Variants in PTPRD observed in about 807,000 individuals in gnomAD.
PTPRD encodes the protein receptor-type tyrosine-protein phosphatase delta.
PTPRD carries 34 observed loss-of-function variants against 214.5 expected under a neutral mutation model. The ratio of observed to expected loss-of-function variants is 0.16; its 90% CI spans 0.12 to 0.21. The LOEUF (loss-of-function observed/expected upper bound fraction) is 0.21. Ranked by LOEUF, PTPRD falls within the 10% of genes least tolerant of loss-of-function variation. PTPRD has a pLI of 1.00. For missense variants in PTPRD, 2,545 were observed against 2,398.7 expected (o/e 1.06, Z -1.27); for synonymous variants, 1,128 against 845.7 (o/e 1.33, Z -5.79).
chr9:10,557,833 T>C (rs1373111952), intron 2 of PTPRD, among the ~76,000 whole-genome samples: 2 of 152,168 alleles, frequency 1.3e-5, no homozygotes, highest in Non-Finnish European at 2.9e-5. Flanking sequence ...CTCTACTACA[T>C]AGCATATATA....
intron 7 of PTPRD, among the ~76,000 whole-genome samples, chr9:9,603,013 G>C (rs997142601): frequency 2.0e-5 from 3 of 151,062 alleles, no homozygotes; most frequent in African/African-American, 7.4e-5. Flanking sequence ...ACTAGTAAAA[G>C]AGTAAGAAAA....
intron 2 of PTPRD, among the ~76,000 whole-genome samples, chr9:10,438,270 G>C (rs1042654984): frequency 1.3e-5 from 2 of 151,330 alleles, no homozygotes. Context: ...TAACCTCATC[G>C]TGTGTCAAGG....
chr9:9,770,738 G>T (rs2098745431), intron 5 of PTPRD, among the ~76,000 whole-genome samples: 1 of 152,032 alleles, frequency 6.6e-6, no homozygotes, highest in African/African-American at 2.4e-5. Flanking sequence ...TCACTGCACA[G>T]GTTGAAAATC....
chr9:8,316,943 T>G lies in PTPRD; in HGVS notation c.*931A>C, dbSNP rs1296034331. 4.3e-6 allele frequency: 1 copy of G among 231,448 alleles called. No individual in the cohort carries two copies. The highest frequency in any genetic ancestry group is 2.2e-5 in the African/African-American group (1 of 45,194). 14.3% of individuals were successfully genotyped at this position (231,448 alleles called of 1,614,324 possible). A position where few individuals can be genotyped will look rare whatever the true frequency, so the allele number is the denominator to read the frequency against. ...TTTTTGTGTGGACACACTGTCTATA[T>G]ATACATAGACACCCTTATAAAATAT... On this transcript the variant is annotated 3_prime_UTR_variant, in exon 46 of 46. Transcript: ENST00000381196.
At chr9:9,947,354 T>TTA (rs1264614924) in intron 4 of PTPRD, among the ~76,000 whole-genome samples, 17 of 56,028 alleles carry the variant, frequency 3.0e-4, no homozygotes, top group African/African-American at 1.2e-3. Flanking sequence ...ATAATATATA[T>TTA]TATATATATT....
intron 7 of PTPRD, among the ~76,000 whole-genome samples, chr9:9,676,532 G>A (rs1352537749): frequency 3.3e-5 from 5 of 152,016 alleles, no homozygotes; most frequent in Non-Finnish European, 5.9e-5. Flanking sequence ...ACCATTGATG[G>A]ACATTTGGCT....
chr9:8,997,270 C>G (rs1392907971), intron 11 of PTPRD, among the ~76,000 whole-genome samples: 1 of 152,042 alleles, frequency 6.6e-6, no homozygotes, highest in Admixed American at 6.6e-5. Context: ...AATATTGTGT[C>G]TTTTACAAAT....
chr9:9,575,717 CAAAAAAAAAAAA>C lies in PTPRD; in HGVS notation c.-286-948_-286-937del, dbSNP rs757614546. ...CCTGGGTGACAGAGCAAGACTGTCTCAAAAAAAAAAAAAAAAAAAAAAAAAAAAAGAAAGAAA... is the reference window on the plus strand; with the variant it reads ...CCTGGGTGACAGAGCAAGACTGTCTCAAAAAAAAAAAAAAAAAGAAAGAAA... On this transcript the variant is annotated intron_variant, in intron 7 of 45. Coordinates refer to ENST00000381196, the MANE Select transcript of PTPRD (RefSeq NM_002839.4). 2.4e-4 allele frequency among the ~76,000 whole-genome samples: 8 copies of C among 33,310 alleles called. No individual in the cohort carries two copies. The East Asian group carries it at 5.4e-3, about 22-fold the overall frequency. 21.9% of individuals were successfully genotyped at this position (33,310 alleles called of 152,430 possible). A position where few individuals can be genotyped will look rare whatever the true frequency, so the allele number is the denominator to read the frequency against.
chr9:8,485,958 C>G lies in PTPRD; in HGVS notation c.2859G>C (p.Lys953Asn), dbSNP rs2135931014. 1.2e-6 allele frequency: 2 copies of G among 1,614,184 alleles called. No homozygotes were observed. The highest frequency in any genetic ancestry group is 1.7e-6 in the Non-Finnish European group (2 of 1,180,032). The change falls in exon 28 of 46, where the codon AAG becomes AAC. Residue 953 changes from lysine (K) to asparagine (N), a missense_variant. Lys to Asn is a moderately conservative substitution (Grantham distance 94). Coordinates refer to ENST00000381196, the MANE Select transcript of PTPRD (RefSeq NM_002839.4). ...VLAERNGIIT[K>N]YTLLYRDINI... ...TGATATCCCTATAAAGAAGGGTATA[C>G]TTGGTGATAATGCCATTTCTCTCTG...
intron 3 of PTPRD, among the ~76,000 whole-genome samples, chr9:10,074,568 A>T (rs2098098808): frequency 6.6e-6 from 1 of 152,118 alleles, no homozygotes; most frequent in Non-Finnish European, 1.5e-5. Flanking sequence ...TAATGCACAG[A>T]CACATTCTAT....
At chr9:9,714,581 T>A (rs949913315) in intron 7 of PTPRD, among the ~76,000 whole-genome samples, 2 of 152,212 alleles carry the variant, frequency 1.3e-5, no homozygotes, top group Admixed American at 1.3e-4. Context: ...AAAGTAACCC[T>A]GTATTTCTTT....
intron 8 of PTPRD, among the ~76,000 whole-genome samples, chr9:9,487,753 T>C (rs1321833005): frequency 2.6e-5 from 4 of 152,170 alleles, no homozygotes; most frequent in Non-Finnish European, 5.9e-5. Context: ...TAGACTTTGA[T>C]TCTTTACAAT....
At chr9:9,816,736 C>G (rs1013465377) in intron 5 of PTPRD, among the ~76,000 whole-genome samples, 4 of 151,880 alleles carry the variant, frequency 2.6e-5, no homozygotes, top group Non-Finnish European at 5.9e-5. Flanking sequence ...TGTGGCTAAA[C>G]CACTATCATC....
intron 8 of PTPRD, among the ~76,000 whole-genome samples, chr9:9,565,030 A>G (rs1192977856): frequency 6.6e-6 from 1 of 151,286 alleles, no homozygotes; most frequent in Non-Finnish European, 1.5e-5. Flanking sequence ...CAAGGTCTCC[A>G]ATGTCCTGAT....
intron 11 of PTPRD, among the ~76,000 whole-genome samples, chr9:8,843,839 A>T (rs2097624138): frequency 6.6e-6 from 1 of 152,172 alleles, no homozygotes; most frequent in African/African-American, 2.4e-5. Flanking sequence ...GACTGGCCTT[A>T]GGTTCCAAAG....
At chr9:8,504,898 G>C (rs958897305) in intron 22 of PTPRD, among the ~76,000 whole-genome samples, 2 of 152,174 alleles carry the variant, frequency 1.3e-5, no homozygotes, top group African/African-American at 4.8e-5. Context: ...ACAGTAACCA[G>C]TATACAATTT....
rs112732480 is a variant in PTPRD, at chr9:9,758,418, G to A, written c.-326+8392C>T. Among the ~76,000 whole-genome samples, 270 of 152,214 alleles carry A rather than the reference G, an allele frequency of 1.8e-3. 1 individual carries two copies. Among genetic ancestry groups the A allele is most frequent in the African/African-American group, 6.2e-3 (259 of 41,532 alleles). On this transcript the variant is annotated intron_variant, in intron 6 of 45. Coordinates refer to ENST00000381196, the MANE Select transcript of PTPRD (RefSeq NM_002839.4). ...GCTGATGAGGGGTAGGGATGGGTAG[G>A]AGAAGGTCAAACCTCAGCCAGCTCT... is the stretch of plus-strand genomic sequence containing the variant.
At chr9:9,726,692 A>C (rs1308206942) in intron 7 of PTPRD, among the ~76,000 whole-genome samples, 1 of 152,208 alleles carries the variant, frequency 6.6e-6, no homozygotes, top group East Asian at 1.9e-4. Flanking sequence ...ACATTTTCAT[A>C]TGTCTCAACA....
At chr9:9,299,422 C>G (rs1031409316) in intron 9 of PTPRD, among the ~76,000 whole-genome samples, 27 of 151,568 alleles carry the variant, frequency 1.8e-4, no homozygotes, top group African/African-American at 6.3e-4. Context: ...CCCAGGTCAG[C>G]CTGCATAACA....
Sources: gnomAD v4.1 joint callset for allele counts (sites outside exome capture counted in the v4.1 genomes callset) on GRCh38, gnomAD v4.1.1 for gene constraint, MANE v1.5 for transcripts, NCBI Gene and HGNC (gene_info 2026-07-23, HGNC 2026-07-21) for gene names.